The following ZNF100 variants were observed in gnomAD, a reference collection of about 807,000 sequenced individuals.
ZNF100 encodes zinc finger protein 100 (Y1).
ZNF100 carries 12 observed loss-of-function variants against 15.8 expected under a neutral mutation model. That is an observed-to-expected ratio of 0.76 (90% CI 0.49 to 1.23). The LOEUF is 1.23. Among genes scored for constraint, ZNF100 ranks in the 50% most tolerant of loss-of-function variants. The pLI is 0.00. For missense variants in ZNF100, 670 were observed against 635.6 expected (o/e 1.05, Z -0.58); for synonymous variants, 226 against 214.8 (o/e 1.05, Z -0.45).
At chr19:21,739,911 C>T (rs1482166243) in intron 4 of ZNF100, among the ~76,000 whole-genome samples, 3 of 152,104 alleles carry the variant, frequency 2.0e-5, no homozygotes, top group Non-Finnish European at 4.4e-5. Flanking sequence ...TGTTAAGATG[C>T]CAATACAACC....
chr19:21,744,867 T>G, intron 3 of ZNF100, 74 bp downstream of exon 3: 2 of 1,576,546 alleles, frequency 1.3e-6, no homozygotes, highest in Non-Finnish European at 1.7e-6. Flanking sequence ...AAGCATGAAT[T>G]ACCAAAAATC....
At chr19:21,731,296 TC>T (rs1432167734) in intron 4 of ZNF100, among the ~76,000 whole-genome samples, 12 of 151,822 alleles carry the variant, frequency 7.9e-5, no homozygotes, top group South Asian at 4.2e-4. Context: ...CTTTCCTTTT[TC>T]TTTCCTTTTT....
chr19:21,731,454 G>A (rs2035918952), intron 4 of ZNF100, among the ~76,000 whole-genome samples: 1 of 151,890 alleles, frequency 6.6e-6, no homozygotes, highest in Non-Finnish European at 1.5e-5. Flanking sequence ...GACTACAGGT[G>A]TGTGCCACCA....
intron 4 of ZNF100, among the ~76,000 whole-genome samples, chr19:21,729,087 C>CAAG (rs1419933471): frequency 6.6e-6 from 1 of 151,892 alleles, no homozygotes; most frequent in Non-Finnish European, 1.5e-5. Context: ...AAGTCACAGA[C>CAAG]AAGAGAACCT....
rs187297168 is a variant in ZNF100 at position 21,756,338 on chromosome 19, C to T, written c.96+9356G>A. ...GATGCCTTCCCTCAAAACTCCTGTT[C>T]GACATAGAATTGGTACAGTCTCAGC... On this transcript the variant is annotated intron_variant, in intron 2 of 4. Transcript: ENST00000358296. 9.9e-5 allele frequency among the ~76,000 whole-genome samples: 15 copies of T among 152,198 alleles called. No individual in the cohort carries two copies. The East Asian group carries it at 1.7e-3, about 18-fold the overall frequency.
At chr19:21,730,704 T>C (rs1473406782) in intron 4 of ZNF100, among the ~76,000 whole-genome samples, 1 of 152,182 alleles carries the variant, frequency 6.6e-6, no homozygotes, top group African/African-American at 2.4e-5. Flanking sequence ...ATACACATGC[T>C]TCTCAATTGC....
chr19:21,749,276 G>C (rs570434544), intron 2 of ZNF100, among the ~76,000 whole-genome samples: 4 of 149,552 alleles, frequency 2.7e-5, no homozygotes, highest in Non-Finnish European at 3.0e-5. Flanking sequence ...GTTATCTCTT[G>C]TATGAGTATG....
intron 4 of ZNF100, 32 bp downstream of exon 4, chr19:21,743,983 ATC>A: frequency 6.3e-7 from 1 of 1,576,018 alleles, no homozygotes; most frequent in Non-Finnish European, 8.6e-7. Flanking sequence ...TGGACCTCAC[ATC>A]TGTGTCATCT....
chr19:21,726,351 T>C lies in ZNF100; in HGVS notation c.*332A>G, dbSNP rs2035784294. ...GCATTAGTTAAAAGTTTTGTCACAC[T>C]GTTCACACATGTAGAAGTTTTCTCC... On this transcript the variant is annotated 3_prime_UTR_variant, in exon 5 of 5. Coordinates refer to ENST00000358296, the MANE Select transcript of ZNF100 (RefSeq NM_173531.4). 1 of 236,426 alleles carries C rather than the reference T, an allele frequency of 4.2e-6. No individual in the cohort carries two copies. The highest frequency in any genetic ancestry group is 8.2e-6 in the Non-Finnish European group (1 of 121,916). 14.6% of individuals were successfully genotyped at this position (236,426 alleles called of 1,614,324 possible). A position where few individuals can be genotyped will look rare whatever the true frequency, so the allele number is the denominator to read the frequency against.
chr19:21,764,523 G>C (rs8107921), intron 2 of ZNF100, among the ~76,000 whole-genome samples: 37,414 of 151,438 alleles, frequency 0.25, 4,889 homozygotes, highest in South Asian at 0.28. Context: ...GCCTCTAATC[G>C]CAGCTACTCA....
chr19:21,733,349 T>C (rs991317337), intron 4 of ZNF100, among the ~76,000 whole-genome samples: 1 of 152,200 alleles, frequency 6.6e-6, no homozygotes, highest in Non-Finnish European at 1.5e-5. Flanking sequence ...TTGTACTTAA[T>C]TGAAGGTGTG....
In ZNF100 at chr19:21,745,681, C is replaced by T. The variant is rs376883877; in HGVS notation, c.97-614G>A. Among the ~76,000 whole-genome samples, 46 of 152,054 alleles carry T rather than the reference C, an allele frequency of 3.0e-4. No homozygotes were observed. The East Asian group carries it at 7.7e-3, about 26-fold the overall frequency. ...GGGACTACAGGCGCCCGCCACCGCG[C>T]CCGGCTAATTTTTTGTATTTTTAGT... On this transcript the variant is annotated intron_variant, in intron 2 of 4. Transcript: ENST00000358296.
In ZNF100 at chr19:21,727,649, A is replaced by T. The variant is rs35587380; in HGVS notation, c.663T>A (p.Thr221=). Residue 221 remains threonine (T), a synonymous_variant, in exon 5 of 5, where the codon ACT becomes ACA. Coordinates refer to ENST00000358296, the MANE Select transcript of ZNF100 (RefSeq NM_173531.4). ...CTGTAATATGAAATCTTTTATGTTG[A>T]GTTAGGTGTAAAAGCATGCAAAATG... The part of the protein sequence containing the change: ...EKSFCMLLHL[T]QHKRFHITEN... 6.5e-5 allele frequency: 105 copies of T among 1,612,000 alleles called. No individual in the cohort carries two copies. The highest frequency in any genetic ancestry group is 4.7e-4 in the South Asian group (43 of 90,656).
chr19:21,744,066 TC>T lies in ZNF100; in HGVS notation c.272del (p.Gly91GlufsTer7). 6.2e-7 allele frequency: 1 copy of T among 1,612,784 alleles called. No individual in the cohort carries two copies. The highest frequency in any genetic ancestry group is 8.5e-7 in the Non-Finnish European group (1 of 1,179,568). On this transcript the variant is annotated frameshift_variant, in exon 4 of 5. Transcript: ENST00000358296. LOFTEE classifies it low-confidence loss of function (END_TRUNC). Reference sequence around the variant, plus strand: ...GTCTCTTTATATTCCAGGGCTCTTTTCCTTGCTCCAGACAGGTGATCAGGTC... The same window carrying T: ...GTCTCTTTATATTCCAGGGCTCTTTTCTTGCTCCAGACAGGTGATCAGGTC... ...KPDLITCLEQGKEPWNIKRHE... is the reference protein window; with the variant it reads ...KPDLITCLEQXKEPWNIKRHE...
At chr19:21,754,152 T>C (rs1024729554) in intron 2 of ZNF100, among the ~76,000 whole-genome samples, 2 of 152,050 alleles carry the variant, frequency 1.3e-5, no homozygotes, top group African/African-American at 4.8e-5. Context: ...TTTCACATCA[T>C]ATTGTGCTGC....
At chr19:21,735,312 G>A (rs2035988584) in intron 4 of ZNF100, among the ~76,000 whole-genome samples, 1 of 152,052 alleles carries the variant, frequency 6.6e-6, no homozygotes, top group South Asian at 2.1e-4. Flanking sequence ...AGCTAACACG[G>A]TGAAACCCCG....
Position 21,726,799 on chromosome 19 carries a change from T to C in ZNF100, c.1513A>G (p.Ile505Val), listed in dbSNP as rs2035796922. The C allele has an allele frequency of 9.9e-6, 16 of 1,613,784 alleles. No individual in the cohort carries two copies. The highest frequency in any genetic ancestry group is 1.4e-5 in the Non-Finnish European group (16 of 1,179,858). Residue 505 changes from isoleucine (I) to valine (V), a missense_variant, in exon 5 of 5, where the codon ATA becomes GTA. Ile to Val is a conservative substitution (Grantham distance 29). Transcript: ENST00000358296. Reference protein sequence around the residue: ...NRSSTLTKHKITHTGEKSYKW... With the variant: ...NRSSTLTKHKVTHTGEKSYKW... ...TAAGATTTCTCTCCAGTATGAGTTA[T>C]CTTATGTTTAGTAAGGGTTGAGGAT...
intron 4 of ZNF100, chr19:21,743,098 T>C (rs1375885691): frequency 6.6e-6 from 1 of 152,074 alleles, no homozygotes; most frequent in Non-Finnish European, 1.5e-5. Context: ...CGTGGTGGCA[T>C]GTGCCTGTAG....
chr19:21,731,139 C>G (rs2035910104), intron 4 of ZNF100, among the ~76,000 whole-genome samples: 1 of 151,970 alleles, frequency 6.6e-6, no homozygotes, highest in Non-Finnish European at 1.5e-5. Context: ...ATAATTAAAA[C>G]AAGTTGGTAT....
Sources: gnomAD v4.1 joint callset for allele counts (sites outside exome capture counted in the v4.1 genomes callset) on GRCh38, gnomAD v4.1.1 for gene constraint, MANE v1.5 for transcripts, NCBI Gene and HGNC (gene_info 2026-07-23, HGNC 2026-07-21) for gene names.